MTURN: variants seen among roughly 807,000 people sequenced by gnomAD.
MTURN encodes maturin.
A neutral mutation model predicts 14.9 loss-of-function variants in MTURN; 7 were observed. The ratio of observed to expected loss-of-function variants is 0.47; its 90% CI spans 0.27 to 0.88. The LOEUF (loss-of-function observed/expected upper bound fraction) is 0.88. MTURN is among the 40% of genes least tolerant of loss of function. The pLI, the probability that MTURN is intolerant of heterozygous loss-of-function variation, is 0.14. For synonymous variants in MTURN, 69 were observed against 72.5 expected, an observed-to-expected ratio of 0.95 and a Z score of 0.25; for missense variants, 151 against 174.1, an observed-to-expected ratio of 0.87 and a Z score of 0.75.
intron 2 of MTURN, among the ~76,000 whole-genome samples, chr7:30,149,938 CA>C (rs1319555841): frequency 1.3e-5 from 2 of 152,164 alleles, no homozygotes; most frequent in Admixed American, 1.3e-4. Flanking sequence ...GCATGTTCTG[CA>C]GGGGGTTGCT....
At chr7:30,147,278 A>G (rs547952903) in intron 2 of MTURN, among the ~76,000 whole-genome samples, 2 of 152,326 alleles carry the variant, frequency 1.3e-5, no homozygotes, top group South Asian at 4.1e-4. Flanking sequence ...TTGAAAGTTT[A>G]CATGTAGGAA....
intron 1 of MTURN, chr7:30,145,902 C>T: frequency 5.2e-6 from 8 of 1,549,112 alleles, no homozygotes; most frequent in Non-Finnish European, 7.0e-6. Context: ...GAGGAATGGC[C>T]ACCCACTGCC....
Position 30,144,928 on chromosome 7 carries a change from C to CTTTT in MTURN, c.163-1228_163-1225dup, listed in dbSNP as rs11411711. On this transcript the variant is annotated intron_variant, in intron 1 of 2. Transcript: ENST00000324453. ...TCTTTCTTTCTCCCAGACCTCAATA[C>CTTTT]TTTTTTTTTTTTTTTTTTTTTTTTG... Among the ~76,000 whole-genome samples the CTTTT allele has an allele frequency of 8.8e-4, 65 of 73,974 alleles. 2 individuals are homozygous for CTTTT. Among genetic ancestry groups the CTTTT allele is most frequent in the African/African-American group, 1.3e-3 (23 of 17,774 alleles). 48.5% of individuals were successfully genotyped at this position (73,974 alleles called of 152,430 possible).
Position 30,135,022 on chromosome 7 carries a change from G to C in MTURN, c.-115G>C, listed in dbSNP as rs1285579171. On this transcript the variant is annotated 5_prime_UTR_variant, in exon 1 of 3. Transcript: ENST00000324453. ...CATGTAAACAGTCCCAGCCGGCCCA[G>C]CCCGGCCCCGGAGGAGCCCGCGCAG... is the stretch of plus-strand genomic sequence containing the variant. The C allele has an allele frequency of 3.2e-6, 3 of 941,130 alleles. No homozygotes were observed. The highest frequency in any genetic ancestry group is 3.9e-6 in the Non-Finnish European group (3 of 767,982). The allele number at this position is 941,130 out of a possible 1,614,324, so 58.3% of individuals were successfully genotyped here. A position where few individuals can be genotyped will look rare whatever the true frequency, so the allele number is the denominator to read the frequency against.
chr7:30,143,485 A>T (rs191215462), intron 1 of MTURN, among the ~76,000 whole-genome samples: 1 of 151,974 alleles, frequency 6.6e-6, no homozygotes, highest in Non-Finnish European at 1.5e-5. Flanking sequence ...CCTTGTTATG[A>T]GATACAATGG....
intron 1 of MTURN, chr7:30,145,837 C>G: frequency 6.5e-7 from 1 of 1,539,390 alleles, no homozygotes; most frequent in Non-Finnish European, 8.7e-7. Flanking sequence ...TTCTCCTTCC[C>G]CATGTCTGAA....
rs1453367023 is a variant in MTURN, at chr7:30,135,161, G to T, written c.25G>T (p.Val9Phe). 1 of 1,471,318 alleles carries T rather than the reference G, an allele frequency of 6.8e-7. No homozygotes were observed. The allele number at this position is 1,471,318 out of a possible 1,614,324, so 91.1% of individuals were successfully genotyped here. The change falls in exon 1 of 3, where the codon GTT (valine) becomes TTT (phenylalanine). Residue 9 changes from valine (V) to phenylalanine (F), a missense_variant. Transcript: ENST00000324453. ...GATGGATTTCCAGCAGCTGGCCGAC[G>T]TTGCGGAGAAATGGTGCTCCAACAC... MDFQQLAD[V>F]AEKWCSNTPF...
rs1796928478 is a variant in MTURN, at chr7:30,135,315, G to C, written c.162+17G>C. The C allele has an allele frequency of 2.0e-6, 3 of 1,508,450 alleles. No homozygotes were observed. The highest frequency in any genetic ancestry group is 1.5e-5 in the African/African-American group (1 of 68,712). 93.4% of individuals were successfully genotyped at this position (1,508,450 alleles called of 1,614,324 possible). A position where few individuals can be genotyped will look rare whatever the true frequency, so the allele number is the denominator to read the frequency against. The stretch of plus-strand genomic sequence containing the variant: ...GACAATTTTGTGAGTGCCTGGAGGA[G>C]GGACCGCCGGAGCCGGCGGGAGTGT... On this transcript the variant is annotated intron_variant, in intron 1 of 2. Transcript: ENST00000324453.
At chr7:30,143,923 TA>T (rs1797091285) in intron 1 of MTURN, among the ~76,000 whole-genome samples, 1 of 152,270 alleles carries the variant, frequency 6.6e-6, no homozygotes, top group Non-Finnish European at 1.5e-5. Flanking sequence ...CAGATGTACT[TA>T]CTTTTTAACA....
At chr7:30,144,598 T>C (rs760269429) in intron 1 of MTURN, among the ~76,000 whole-genome samples, 63 of 152,190 alleles carry the variant, frequency 4.1e-4, no homozygotes, top group Non-Finnish European at 7.8e-4. Flanking sequence ...TGGGGAAGCC[T>C]CTAGAGAAGT....
At chr7:30,145,679 T>G in intron 1 of MTURN, 1 of 685,698 alleles carries the variant, frequency 1.5e-6, no homozygotes, top group Non-Finnish European at 2.3e-6. Context: ...TATTTGCATT[T>G]GGAAGTAAAT....
chr7:30,146,256 C>T lies in MTURN; in HGVS notation c.242C>T (p.Thr81Met), dbSNP rs781564824. 8.7e-6 allele frequency: 14 copies of T among 1,614,082 alleles called. No homozygotes were observed. The highest frequency in any genetic ancestry group is 1.2e-5 in the Non-Finnish European group (14 of 1,180,034). Reference sequence around the variant, plus strand: ...TACATCTCCTCCTGCGGCAAGAAGACGCTCCACGAAGTCCTGGAAAAAGTC... The same window carrying T: ...TACATCTCCTCCTGCGGCAAGAAGATGCTCCACGAAGTCCTGGAAAAAGTC... ...QDYISSCGKK[T>M]LHEVLEKVFK... The change falls in exon 2 of 3, where the codon ACG (threonine) becomes ATG (methionine). Residue 81 changes from threonine to methionine, a missense_variant. Physicochemically the swap from Thr to Met is moderately conservative, Grantham distance 81. Transcript: ENST00000324453.
chr7:30,157,869 G>A lies in MTURN; in HGVS notation c.*321G>A, dbSNP rs912118933. ...TTGGAGAATTAACATTCGCTGACTCGAATGTAGAGAACTCTGAATGTATTA... is the reference window on the plus strand; with the variant it reads ...TTGGAGAATTAACATTCGCTGACTCAAATGTAGAGAACTCTGAATGTATTA... On this transcript the variant is annotated 3_prime_UTR_variant, in exon 3 of 3. Transcript: ENST00000324453. The A allele has an allele frequency of 2.9e-5, 5 of 170,102 alleles. No individual in the cohort carries two copies. Among genetic ancestry groups the A allele is most frequent in the South Asian group, 1.4e-4 (1 of 7,258 alleles). The allele number at this position is 170,102 out of a possible 1,614,324, so 10.5% of individuals were successfully genotyped here.
At chr7:30,146,043 G>C in intron 1 of MTURN, 134 bp from the exon 2 acceptor site, 1 of 1,586,584 alleles carries the variant, frequency 6.3e-7, no homozygotes, top group Non-Finnish European at 8.6e-7. Flanking sequence ...ACGCATGTAT[G>C]AATTTTACTG....
At chr7:30,156,870 T>C (rs140770166) in intron 2 of MTURN, among the ~76,000 whole-genome samples, 2 of 152,252 alleles carry the variant, frequency 1.3e-5, no homozygotes, top group Non-Finnish European at 2.9e-5. Context: ...TTGTCATGCT[T>C]TTTTTACACT....
At position 30,137,376 on chromosome 7, in the gene MTURN, G is replaced by C. The variant is rs1583501098; in HGVS notation, c.162+2078G>C. On this transcript the variant is annotated intron_variant, in intron 1 of 2. Coordinates refer to ENST00000324453, the MANE Select transcript of MTURN (RefSeq NM_152793.3). ...CCAAAGACAGTAAGTGGGCCAGGAA[G>C]ACAAAAGGCTGTTCTCTTGCCATGA... is the stretch of plus-strand genomic sequence containing the variant. 1.9e-5 allele frequency: 6 copies of C among 322,758 alleles called. No homozygotes were observed. In the East Asian group the frequency reaches 3.8e-4, roughly 20 times the overall value. The allele number at this position is 322,758 out of a possible 1,614,324, so 20.0% of individuals were successfully genotyped here.
rs555650135 is a variant in MTURN, at chr7:30,142,754, C to T, written c.163-3423C>T. Among the ~76,000 whole-genome samples the T allele has an allele frequency of 2.3e-4, 35 of 152,258 alleles. No homozygotes were observed. The South Asian group carries it at 5.2e-3, about 23-fold the overall frequency. On this transcript the variant is annotated intron_variant, in intron 1 of 2. Transcript: ENST00000324453. ...TTCCCTCTACTCCCTGAAGCCTTTC[C>T]AGGCATTTCTCCTTTAGTCCAAGGG... is the stretch of plus-strand genomic sequence containing the variant.
chr7:30,158,470 A>G lies in MTURN; in HGVS notation c.*922A>G, dbSNP rs1292619982. The G allele has an allele frequency of 6.6e-6, 1 of 152,484 alleles. No individual in the cohort carries two copies. Among genetic ancestry groups the G allele is most frequent in the Non-Finnish European group, 1.5e-5 (1 of 68,034 alleles). The allele number at this position is 152,484 out of a possible 1,614,324, so 9.4% of individuals were successfully genotyped here. On this transcript the variant is annotated 3_prime_UTR_variant, in exon 3 of 3. Coordinates refer to ENST00000324453, the MANE Select transcript of MTURN (RefSeq NM_152793.3). ...ACCAGGATTAAAAGTTTTTAAAAAT[A>G]TGGTAGAATCCTTCTTTACTTTTTA...
rs769186834 is a variant in MTURN, at chr7:30,135,308, T to A, written c.162+10T>A. The A allele has an allele frequency of 6.6e-7, 1 of 1,511,710 alleles. No individual in the cohort carries two copies. Among genetic ancestry groups the A allele is most frequent in the Admixed American group, 2.1e-5 (1 of 47,132 alleles). 93.6% of individuals were successfully genotyped at this position (1,511,710 alleles called of 1,614,324 possible). On this transcript the variant is annotated intron_variant, in intron 1 of 2. Transcript: ENST00000324453. ...CTGCGGCGACAATTTTGTGAGTGCCTGGAGGAGGGACCGCCGGAGCCGGCG... is the reference window on the plus strand; with the variant it reads ...CTGCGGCGACAATTTTGTGAGTGCCAGGAGGAGGGACCGCCGGAGCCGGCG...
Sources: gnomAD v4.1 joint callset for allele counts (sites outside exome capture counted in the v4.1 genomes callset) on GRCh38, gnomAD v4.1.1 for gene constraint, MANE v1.5 for transcripts, NCBI Gene and HGNC (gene_info 2026-07-23, HGNC 2026-07-21) for gene names.